Variants in GRID1 observed in about 807,000 individuals in gnomAD.
GRID1 encodes glutamate ionotropic receptor delta type subunit 1.
In GRID1, 28 loss-of-function variants were observed where a neutral mutation model predicts 98.0. That is an observed-to-expected ratio of 0.29 (90% CI 0.21 to 0.39). The LOEUF is 0.39. Among genes scored for constraint, GRID1 ranks in the 10% least tolerant of loss-of-function variants. The probability of loss-of-function intolerance (pLI) is 1.00; values close to 1 mark genes in which losing one functional copy is unlikely to be tolerated. For synonymous variants in GRID1, 553 were observed against 538.5 expected (o/e 1.03, Z -0.37); for missense variants, 1,111 against 1,340.5 (o/e 0.83, Z 2.67).
intron 2 of GRID1, among the ~76,000 whole-genome samples, chr10:86,228,776 G>A (rs751716669): frequency 2.0e-5 from 3 of 152,122 alleles, no homozygotes; most frequent in Non-Finnish European, 4.4e-5. Context: ...CTCAGGAAGT[G>A]GATGTGTGGG....
chr10:85,979,517 G>C (rs985180558), intron 4 of GRID1, among the ~76,000 whole-genome samples: 1 of 152,180 alleles, frequency 6.6e-6, no homozygotes, highest in African/African-American at 2.4e-5. Flanking sequence ...TTCCTGGCTT[G>C]TAGATAGCCA....
intron 2 of GRID1, among the ~76,000 whole-genome samples, chr10:86,285,222 G>T (rs746384819): frequency 1.3e-5 from 2 of 152,118 alleles, no homozygotes; most frequent in Non-Finnish European, 2.9e-5. Flanking sequence ...CTTCCCCTGA[G>T]CCAGGTGAAC....
At chr10:86,311,211 CAG>C (rs947942214) in intron 2 of GRID1, among the ~76,000 whole-genome samples, 2 of 152,124 alleles carry the variant, frequency 1.3e-5, no homozygotes, top group Non-Finnish European at 2.9e-5. Context: ...AAGGAGGGCT[CAG>C]AGATATTAAG....
chr10:85,617,969 G>A (rs935237525), intron 14 of GRID1, among the ~76,000 whole-genome samples: 1 of 152,092 alleles, frequency 6.6e-6, no homozygotes, highest in Non-Finnish European at 1.5e-5. Flanking sequence ...CACTCCTTCT[G>A]CCCCCAGCAA....
intron 12 of GRID1, chr10:85,708,991 T>C (rs1208223330): frequency 1.6e-5 from 4 of 250,956 alleles, no homozygotes; most frequent in Non-Finnish European, 2.5e-5. Flanking sequence ...CTTGAGAGAT[T>C]TGAATAGAAA....
chr10:85,973,298 T>C (rs1423075199), intron 4 of GRID1, among the ~76,000 whole-genome samples: 1 of 152,210 alleles, frequency 6.6e-6, no homozygotes, highest in East Asian at 1.9e-4. Context: ...ATTTACTTTT[T>C]AAATATTTTT....
At chr10:86,021,082 G>A (rs998625140) in intron 4 of GRID1, among the ~76,000 whole-genome samples, 7 of 151,908 alleles carry the variant, frequency 4.6e-5, no homozygotes, top group African/African-American at 1.4e-4. Flanking sequence ...CTGGGAGGAC[G>A]ATAAAAGTGT....
chr10:86,357,233 G>T (rs959234257), intron 2 of GRID1, among the ~76,000 whole-genome samples: 1 of 152,204 alleles, frequency 6.6e-6, no homozygotes, highest in African/African-American at 2.4e-5. Context: ...TGGGAGGGAG[G>T]GCTCAGAGAG....
chr10:85,773,781 C>G (rs541291386), intron 8 of GRID1, among the ~76,000 whole-genome samples: 1 of 152,240 alleles, frequency 6.6e-6, no homozygotes, highest in African/African-American at 2.4e-5. Context: ...CGTGAAGGAC[C>G]TCTTCAAGGA....
At chr10:86,124,883 A>G (rs548229623) in intron 4 of GRID1, among the ~76,000 whole-genome samples, 1 of 152,270 alleles carries the variant, frequency 6.6e-6, no homozygotes, top group East Asian at 1.9e-4. Context: ...GGCTCTGGAG[A>G]GCCCCTGGGT....
chr10:85,816,338 T>C (rs1239067796), intron 8 of GRID1, among the ~76,000 whole-genome samples: 1 of 152,204 alleles, frequency 6.6e-6, no homozygotes, highest in East Asian at 1.9e-4. Context: ...GAATACTATT[T>C]AGCAAGAAAA....
intron 2 of GRID1, among the ~76,000 whole-genome samples, chr10:86,229,432 G>A (rs1273583641): frequency 1.3e-5 from 2 of 152,224 alleles, no homozygotes; most frequent in African/African-American, 4.8e-5. Flanking sequence ...TAACTTCTCT[G>A]TGCCTAATTT....
At chr10:86,056,545 C>T (rs1368545487) in intron 4 of GRID1, among the ~76,000 whole-genome samples, 1 of 152,176 alleles carries the variant, frequency 6.6e-6, no homozygotes, top group Non-Finnish European at 1.5e-5. Context: ...TGTCCCCATT[C>T]CCAAACCCTT....
intron 13 of GRID1, among the ~76,000 whole-genome samples, chr10:85,625,385 C>T (rs1842900365): frequency 6.6e-6 from 1 of 152,260 alleles, no homozygotes; most frequent in African/African-American, 2.4e-5. Context: ...TTGGGAAAAT[C>T]TCCTTGACAT....
chr10:85,745,987 A>G (rs1841992736), intron 8 of GRID1, among the ~76,000 whole-genome samples: 1 of 152,198 alleles, frequency 6.6e-6, no homozygotes, highest in Non-Finnish European at 1.5e-5. Context: ...GAATAGCTGG[A>G]TATGAAAATT....
intron 4 of GRID1, among the ~76,000 whole-genome samples, chr10:86,006,851 T>A (rs990823056): frequency 1.3e-5 from 2 of 151,204 alleles, no homozygotes; most frequent in African/African-American, 4.9e-5. Flanking sequence ...AACACAGGAT[T>A]CTCACTATGA....
intron 8 of GRID1, among the ~76,000 whole-genome samples, chr10:85,807,503 G>T (rs1164787400): frequency 1.3e-5 from 2 of 151,964 alleles, no homozygotes; most frequent in Non-Finnish European, 2.9e-5. Context: ...AGAAGTTTCA[G>T]AAACTACATG....
intron 8 of GRID1, among the ~76,000 whole-genome samples, chr10:85,842,384 G>T (rs969109848): frequency 6.6e-6 from 1 of 151,978 alleles, no homozygotes; most frequent in African/African-American, 2.4e-5. Flanking sequence ...TAATACCTGG[G>T]TGATGAGATA....
chr10:85,636,200 G>A (rs1414373776), intron 13 of GRID1, among the ~76,000 whole-genome samples: 2 of 152,148 alleles, frequency 1.3e-5, no homozygotes, highest in African/African-American at 4.8e-5. Flanking sequence ...AAATAAGAAA[G>A]GATACAAAAA....
Sources: gnomAD v4.1 joint callset for allele counts (sites outside exome capture counted in the v4.1 genomes callset) on GRCh38, gnomAD v4.1.1 for gene constraint, MANE v1.5 for transcripts, NCBI Gene and HGNC (gene_info 2026-07-23, HGNC 2026-07-21) for gene names.